The following CLEC6A variants were observed in gnomAD, a reference collection of about 807,000 sequenced individuals.
CLEC6A encodes the protein C-type lectin domain containing 6A.
Under a neutral mutation model 25.7 loss-of-function variants are expected in CLEC6A, and 22 were observed. The ratio of observed to expected loss-of-function variants is 0.85; its 90% CI spans 0.61 to 1.22. The LOEUF (loss-of-function observed/expected upper bound fraction) is 1.22. Among genes scored for constraint, CLEC6A ranks in the 50% most tolerant of loss-of-function variants. The probability of loss-of-function intolerance (pLI) is 0.00; values close to 1 mark genes in which losing one functional copy is unlikely to be tolerated. For synonymous variants in CLEC6A, 92 were observed against 76.7 expected (o/e 1.20, Z -1.04); for missense variants, 240 against 236.8 (o/e 1.01, Z -0.09).
At chr12:8,465,438 A>G in intron 3 of CLEC6A, 46 bp from the exon 4 acceptor site, 4 of 1,598,456 alleles carry the variant, frequency 2.5e-6, no homozygotes, top group Non-Finnish European at 3.4e-6. Flanking sequence ...AATCTCATTT[A>G]TCTTATCTTG....
intron 3 of CLEC6A, chr12:8,460,550 A>C: frequency 1.3e-6 from 1 of 792,118 alleles, no homozygotes; most frequent in Non-Finnish European, 2.1e-6. Flanking sequence ...GAACCAAACC[A>C]TATCAGTCAG....
At chr12:8,460,868 C>T (rs1047323733) in intron 3 of CLEC6A, 1 of 891,208 alleles carries the variant, frequency 1.1e-6, no homozygotes, top group African/African-American at 1.6e-5. Flanking sequence ...TACCGCAAGC[C>T]TGTCTATCAC....
chr12:8,473,398 G>A (rs1341412999), intron 4 of CLEC6A, among the ~76,000 whole-genome samples: 1 of 152,078 alleles, frequency 6.6e-6, no homozygotes, highest in Non-Finnish European at 1.5e-5. Context: ...TGCTGCAAAG[G>A]ACATGATTTA....
At chr12:8,476,305 A>C (rs1284207990) in intron 5 of CLEC6A, 65 bp downstream of exon 5, 1 of 849,222 alleles carries the variant, frequency 1.2e-6, no homozygotes, top group African/African-American at 1.7e-5. Context: ...GGAGTTACTA[A>C]TAATGTTAAT....
intron 3 of CLEC6A, 113 bp downstream of exon 3, chr12:8,459,811 C>T (rs1015087498): frequency 1.4e-5 from 10 of 704,454 alleles, no homozygotes; most frequent in Admixed American, 2.3e-5. Flanking sequence ...TTTATTAAAG[C>T]CTCTGCTTGG....
intron 4 of CLEC6A, among the ~76,000 whole-genome samples, chr12:8,466,120 T>A (rs751638053): frequency 3.9e-5 from 6 of 152,238 alleles, no homozygotes; most frequent in Non-Finnish European, 7.3e-5. Context: ...CCAAAAGTAG[T>A]ATATATTTAA....
chr12:8,467,114 T>C (rs1454197649), intron 4 of CLEC6A, among the ~76,000 whole-genome samples: 1 of 152,226 alleles, frequency 6.6e-6, no homozygotes, highest in Admixed American at 6.5e-5. Context: ...AGATATATGG[T>C]TTGCAAGTAT....
chr12:8,459,847 A>C (rs1939730055), intron 3 of CLEC6A, 149 bp downstream of exon 3: 1 of 628,302 alleles, frequency 1.6e-6, no homozygotes, highest in African/African-American at 1.8e-5. Context: ...CTCTAAACAT[A>C]CATGTTCATA....
At chr12:8,457,809 A>T in intron 1 of CLEC6A, 89 bp from the exon 2 acceptor site, 1 of 885,292 alleles carries the variant, frequency 1.1e-6, no homozygotes, top group South Asian at 1.4e-5. Flanking sequence ...GAGGTTCTTC[A>T]TCTAGTTTGT....
At chr12:8,463,685 TTC>T (rs770273170) in intron 3 of CLEC6A, among the ~76,000 whole-genome samples, 24 of 152,210 alleles carry the variant, frequency 1.6e-4, no homozygotes, top group Non-Finnish European at 2.6e-4. Context: ...AAAGATTTAT[TTC>T]TCAGTCAGTA....
chr12:8,472,691 G>A (rs1353723253), intron 4 of CLEC6A, among the ~76,000 whole-genome samples: 2 of 152,096 alleles, frequency 1.3e-5, no homozygotes, highest in Non-Finnish European at 2.9e-5. Context: ...GGGAACTAGG[G>A]CATGGGGCTT....
chr12:8,476,900 A>G (rs1939981871), intron 5 of CLEC6A, among the ~76,000 whole-genome samples: 1 of 152,126 alleles, frequency 6.6e-6, no homozygotes, highest in Non-Finnish European at 1.5e-5. Flanking sequence ...GGTAACTTTT[A>G]CATCCAGATT....
intron 4 of CLEC6A, among the ~76,000 whole-genome samples, chr12:8,469,692 C>T (rs1236093551): frequency 6.6e-6 from 1 of 152,016 alleles, no homozygotes; most frequent in Non-Finnish European, 1.5e-5. Context: ...AAAAGGACAC[C>T]CTATTCAACA....
chr12:8,475,283 T>C (rs1226245950), intron 4 of CLEC6A, among the ~76,000 whole-genome samples: 4 of 152,222 alleles, frequency 2.6e-5, no homozygotes, highest in African/African-American at 9.6e-5. Flanking sequence ...GAAATTAATA[T>C]GGAACACATC....
intron 3 of CLEC6A, chr12:8,460,887 C>T: frequency 1.1e-6 from 1 of 880,506 alleles, no homozygotes; most frequent in South Asian, 1.3e-5. Flanking sequence ...ACGGTGTTAA[C>T]CAGCCAAAGT....
chr12:8,457,858 C>T (rs757293132), intron 1 of CLEC6A, 40 bp from the exon 2 acceptor site: 10 of 1,486,576 alleles, frequency 6.7e-6, no homozygotes, highest in Middle Eastern at 1.7e-4. Context: ...GGCTCCCTGG[C>T]CCCCTGGTAA....
At chr12:8,468,340 G>T (rs1219886432) in intron 4 of CLEC6A, among the ~76,000 whole-genome samples, 1 of 152,080 alleles carries the variant, frequency 6.6e-6, no homozygotes, top group Non-Finnish European at 1.5e-5. Context: ...CATTGATTTT[G>T]CATTCTGAAA....
chr12:8,456,037 G>A lies in CLEC6A; in HGVS notation c.-75G>A, dbSNP rs1939670789. The A allele has an allele frequency of 1.4e-6, 2 of 1,439,152 alleles. No individual in the cohort carries two copies. Among genetic ancestry groups the A allele is most frequent in the East Asian group, 4.6e-5 (2 of 43,954 alleles). The allele number at this position is 1,439,152 out of a possible 1,614,324, so 89.1% of individuals were successfully genotyped here. On this transcript the variant is annotated 5_prime_UTR_variant, in exon 1 of 6. Coordinates refer to ENST00000382073, the MANE Select transcript of CLEC6A (RefSeq NM_001007033.2). ...AGCTCTAGCTTCTTTAAATGAAGCT[G>A]AGTCTCTGGGCAACATCTTTAGGGA...
At chr12:8,460,418 C>G (rs1313151582) in intron 3 of CLEC6A, among the ~76,000 whole-genome samples, 1 of 152,166 alleles carries the variant, frequency 6.6e-6, no homozygotes, top group Non-Finnish European at 1.5e-5. Flanking sequence ...GACTTATTCA[C>G]TACCGGGAGA....
Sources: allele counts gnomAD v4.1 joint callset (sites outside exome capture counted in the v4.1 genomes callset), GRCh38; gene constraint gnomAD v4.1.1; transcripts MANE v1.5; gene names NCBI Gene and HGNC (gene_info 2026-07-23, HGNC 2026-07-21).